KIAA1328: variants seen among roughly 807,000 people sequenced by gnomAD.
KIAA1328 encodes KIAA1328.
In KIAA1328, 52 loss-of-function variants were observed where a neutral mutation model predicts 68.1. The ratio of observed to expected loss-of-function variants is 0.76; its 90% confidence interval spans 0.61 to 0.96. KIAA1328 has a LOEUF of 0.96. Ranked by LOEUF, KIAA1328 falls within the 40% of genes least tolerant of loss-of-function variation. The pLI, the probability that KIAA1328 is intolerant of heterozygous loss-of-function variation, is 0.00. For missense variants in KIAA1328, 641 were observed against 677.6 expected, an observed-to-expected ratio of 0.95 and a Z score of 0.60; for synonymous variants, 232 against 239.4, an observed-to-expected ratio of 0.97 and a Z score of 0.28.
chr18:37,129,767 A>G (rs1036670042), intron 7 of KIAA1328, among the ~76,000 whole-genome samples: 6 of 152,220 alleles, frequency 3.9e-5, no homozygotes, highest in African/African-American at 1.2e-4. Flanking sequence ...AAACACAGGA[A>G]AGAATTGTAT....
At chr18:36,980,566 A>G (rs1169824905) in intron 6 of KIAA1328, among the ~76,000 whole-genome samples, 1 of 152,164 alleles carries the variant, frequency 6.6e-6, no homozygotes, top group Non-Finnish European at 1.5e-5. Context: ...TACATTTAGA[A>G]TATCTGGTGA....
At chr18:37,160,465 C>T in intron 8 of KIAA1328, 84 bp downstream of exon 8, 1 of 1,249,026 alleles carries the variant, frequency 8.0e-7, no homozygotes, top group Non-Finnish European at 1.1e-6. Context: ...TGATTTCCTA[C>T]AATGCTGAGC....
intron 9 of KIAA1328, among the ~76,000 whole-genome samples, chr18:37,187,669 T>C (rs1238181659): frequency 6.6e-6 from 1 of 152,140 alleles, no homozygotes; most frequent in Non-Finnish European, 1.5e-5. Context: ...TGTTTTACTT[T>C]GAATAAATAA....
At chr18:37,021,929 A>G (rs2054362031) in intron 6 of KIAA1328, among the ~76,000 whole-genome samples, 2 of 152,038 alleles carry the variant, frequency 1.3e-5, no homozygotes, top group African/African-American at 4.8e-5. Context: ...AGTCCCAGCT[A>G]CTCAGGAGGC....
rs1036386813 is a variant in KIAA1328, at chr18:37,065,385, A to G, written c.577-1505A>G. 4.6e-5 allele frequency among the ~76,000 whole-genome samples: 7 copies of G among 152,316 alleles called. No homozygotes were observed. The East Asian group carries it at 1.2e-3, about 25-fold the overall frequency. On this transcript the variant is annotated intron_variant, in intron 6 of 9. Coordinates refer to ENST00000280020, the MANE Select transcript of KIAA1328 (RefSeq NM_020776.3). ...AGCTTTCACTAAAGACTGAATCTGT[A>G]TATCTAGAGTAAATAGGCCTTGGAA...
At chr18:37,025,043 T>C (rs754643430) in intron 6 of KIAA1328, among the ~76,000 whole-genome samples, 4 of 152,114 alleles carry the variant, frequency 2.6e-5, no homozygotes, top group Non-Finnish European at 5.9e-5. Context: ...GCACCTGTTG[T>C]TTCCTGACTT....
chr18:36,859,332 G>A (rs1458949829), intron 4 of KIAA1328, among the ~76,000 whole-genome samples: 1 of 150,882 alleles, frequency 6.6e-6, no homozygotes, highest in Non-Finnish European at 1.5e-5. Flanking sequence ...TTAAATTTAT[G>A]TTTGTTGGGT....
chr18:37,098,392 G>A (rs868791249), intron 7 of KIAA1328, among the ~76,000 whole-genome samples: 1 of 152,158 alleles, frequency 6.6e-6, no homozygotes, highest in Non-Finnish European at 1.5e-5. Context: ...ATTTGTGTAT[G>A]TTGAACCAGC....
chr18:36,913,944 G>T (rs2049577930), intron 5 of KIAA1328, among the ~76,000 whole-genome samples: 1 of 152,042 alleles, frequency 6.6e-6, no homozygotes, highest in African/African-American at 2.4e-5. Context: ...ATTTTTTGAG[G>T]CTTGTGATTA....
chr18:36,974,110 A>G (rs779542129), intron 6 of KIAA1328, among the ~76,000 whole-genome samples: 10 of 152,102 alleles, frequency 6.6e-5, no homozygotes, highest in Non-Finnish European at 1.3e-4. Context: ...GTTTGCTCTT[A>G]TATCTGACTG....
chr18:37,176,202 G>A (rs2059594227), intron 9 of KIAA1328, among the ~76,000 whole-genome samples: 1 of 152,176 alleles, frequency 6.6e-6, no homozygotes, highest in Non-Finnish European at 1.5e-5. Flanking sequence ...ATGTATTGTA[G>A]ACTTGCAGTT....
intron 6 of KIAA1328, among the ~76,000 whole-genome samples, chr18:36,967,159 G>C (rs2051975270): frequency 6.6e-6 from 1 of 152,194 alleles, no homozygotes; most frequent in African/African-American, 2.4e-5. Flanking sequence ...TAATAAATAA[G>C]AAAAGCAGAG....
intron 5 of KIAA1328, among the ~76,000 whole-genome samples, chr18:36,902,675 T>C (rs17567702): frequency 0.096 from 14,633 of 152,104 alleles, 906 homozygotes; most frequent in East Asian, 0.13. Context: ...GAACTTTACC[T>C]GCTTGGTTAT....
intron 4 of KIAA1328, among the ~76,000 whole-genome samples, chr18:36,875,089 T>A (rs1162234992): frequency 1.3e-5 from 2 of 152,242 alleles, no homozygotes; most frequent in Non-Finnish European, 2.9e-5. Flanking sequence ...TAGTATAGTT[T>A]GAAGTCAGGT....
At chr18:36,952,366 C>T (rs2151233454) in intron 5 of KIAA1328, among the ~76,000 whole-genome samples, 1 of 152,142 alleles carries the variant, frequency 6.6e-6, no homozygotes, top group East Asian at 1.9e-4. Flanking sequence ...ACATGTTATC[C>T]TTATTTGTTT....
At chr18:37,155,961 G>T (rs918019190) in intron 7 of KIAA1328, among the ~76,000 whole-genome samples, 1 of 152,124 alleles carries the variant, frequency 6.6e-6, no homozygotes, top group African/African-American at 2.4e-5. Context: ...AGTATTTCAG[G>T]AATCTCTCTT....
At chr18:37,098,528 A>T (rs902033495) in intron 7 of KIAA1328, among the ~76,000 whole-genome samples, 5 of 152,134 alleles carry the variant, frequency 3.3e-5, no homozygotes, top group African/African-American at 1.2e-4. Context: ...TATTGGTCTA[A>T]AATTCTCTTT....
intron 7 of KIAA1328, among the ~76,000 whole-genome samples, chr18:37,126,710 A>G (rs552913697): frequency 6.6e-6 from 1 of 152,280 alleles, no homozygotes; most frequent in South Asian, 2.1e-4. Flanking sequence ...TCAACTAAAT[A>G]TTAGTAAGTT....
chr18:37,085,858 G>A (rs1185931886), intron 7 of KIAA1328, among the ~76,000 whole-genome samples: 1 of 151,308 alleles, frequency 6.6e-6, no homozygotes, highest in East Asian at 1.9e-4. Context: ...AGCCCCACAC[G>A]TGCTGTTTCC....
Sources: allele counts gnomAD v4.1 joint callset (sites outside exome capture counted in the v4.1 genomes callset), GRCh38; gene constraint gnomAD v4.1.1; transcripts MANE v1.5; gene names NCBI Gene and HGNC (gene_info 2026-07-23, HGNC 2026-07-21).